API5: variants seen among roughly 807,000 people sequenced by gnomAD.
The protein encoded by API5 is apoptosis inhibitor 5.
API5 carries 6 observed loss-of-function variants against 71.9 expected under a neutral mutation model. The ratio of observed to expected loss-of-function variants is 0.08; its 90% CI spans 0.05 to 0.16. The LOEUF (loss-of-function observed/expected upper bound fraction) is 0.16. API5 is among the 10% of genes least tolerant of loss of function. The pLI is 1.00. For missense variants in API5, 332 were observed against 612.8 expected (o/e 0.54, Z 4.84); for synonymous variants, 189 against 221.3 (o/e 0.85, Z 1.30).
intron 13 of API5, among the ~76,000 whole-genome samples, chr11:43,338,995 C>G (rs1473929212): frequency 6.6e-6 from 1 of 152,200 alleles, no homozygotes; most frequent in East Asian, 1.9e-4. Flanking sequence ...CTGCATCTGT[C>G]TCTGGGAGCA....
intron 2 of API5, 151 bp downstream of exon 2, chr11:43,318,952 AT>A: frequency 1.3e-5 from 9 of 681,236 alleles, no homozygotes; most frequent in Non-Finnish European, 1.9e-5. Flanking sequence ...AAATTTACAT[AT>A]GATAAAGTGT....
intron 11 of API5, among the ~76,000 whole-genome samples, chr11:43,334,204 T>C (rs1855352573): frequency 6.6e-6 from 1 of 152,174 alleles, no homozygotes; most frequent in Admixed American, 6.5e-5. Context: ...CCTTGACATT[T>C]CTTGCAATCT....
intron 12 of API5, 85 bp from the exon 13 acceptor site, chr11:43,335,773 T>G: frequency 7.1e-7 from 1 of 1,416,272 alleles, no homozygotes; most frequent in South Asian, 1.4e-5. Context: ...ATGTCTTTCC[T>G]AACTGATATG....
chr11:43,315,009 TAA>T (rs2134337455), intron 1 of API5, among the ~76,000 whole-genome samples: 1 of 152,348 alleles, frequency 6.6e-6, no homozygotes, highest in African/African-American at 2.4e-5. Flanking sequence ...TGATCAGTAC[TAA>T]GTTTCCTGGC....
chr11:43,323,064 AT>A (rs1251386702), intron 5 of API5, among the ~76,000 whole-genome samples: 1 of 151,238 alleles, frequency 6.6e-6, no homozygotes, highest in Non-Finnish European at 1.5e-5. Flanking sequence ...TTTTCCAACC[AT>A]TTTTTAAAGT....
intron 9 of API5, chr11:43,329,217 C>A: frequency 4.7e-6 from 1 of 213,120 alleles, no homozygotes; most frequent in Non-Finnish European, 9.6e-6. Context: ...TGTGGTAACA[C>A]ACCAGTAGTC....
intron 13 of API5, among the ~76,000 whole-genome samples, chr11:43,339,818 C>G (rs185869317): frequency 6.6e-6 from 1 of 152,242 alleles, no homozygotes; most frequent in East Asian, 1.9e-4. Flanking sequence ...ATTTTGTAGT[C>G]TAACCTGATT....
intron 1 of API5, among the ~76,000 whole-genome samples, chr11:43,314,019 G>A (rs1390738778): frequency 2.0e-5 from 3 of 152,008 alleles, no homozygotes; most frequent in Non-Finnish European, 4.4e-5. Context: ...AACCCGGAGG[G>A]TGGAGGTTCC....
At chr11:43,326,637 CTGA>C (rs747054091) in intron 7 of API5, 26 bp downstream of exon 7, 39 of 1,220,028 alleles carry the variant, frequency 3.2e-5, no homozygotes, top group Non-Finnish European at 4.3e-5. Flanking sequence ...AGCTTTAGCA[CTGA>C]TAAGGCATTC....
Position 43,328,849 on chromosome 11 carries a change from A to C in API5, c.1083A>C (p.Leu361Phe). The change falls in exon 9 of 14, where the codon TTA becomes TTC. Residue 361 changes from leucine (L) to phenylalanine (F), a missense_variant. Transcript: ENST00000531273. ...TGGGCCGAAAACTTCCAGATTTCTT[A>C]ACAGCCAAACTGAATGCAGAAAAGC... ...HQLGRKLPDF[L>F]TAKLNAEKLK... 2.5e-6 allele frequency: 4 copies of C among 1,614,136 alleles called. No homozygotes were observed. The highest frequency in any genetic ancestry group is 3.4e-6 in the Non-Finnish European group (4 of 1,179,994).
Position 43,342,814 on chromosome 11 carries a change from A to C in API5, c.*304A>C, listed in dbSNP as rs1249382408. 6.9e-6 allele frequency: 4 copies of C among 582,074 alleles called. No homozygotes were observed. The highest frequency in any genetic ancestry group is 9.1e-6 in the Non-Finnish European group (3 of 329,152). 36.1% of individuals were successfully genotyped at this position (582,074 alleles called of 1,614,324 possible). A position where few individuals can be genotyped will look rare whatever the true frequency, so the allele number is the denominator to read the frequency against. ...GATAATTTGTTGTTGAGAGCTGTTC[A>C]TTCTAAAATGTAATGAAATTCAGTC... On this transcript the variant is annotated 3_prime_UTR_variant, in exon 14 of 14. Coordinates refer to ENST00000531273, the MANE Select transcript of API5 (RefSeq NM_001142930.2).
intron 13 of API5, among the ~76,000 whole-genome samples, chr11:43,338,574 T>G (rs532298684): frequency 6.7e-6 from 1 of 148,758 alleles, no homozygotes; most frequent in South Asian, 2.1e-4. Flanking sequence ...GAGTATTTTT[T>G]AGGATGAAGC....
At chr11:43,323,229 A>G (rs572245355) in intron 5 of API5, among the ~76,000 whole-genome samples, 3 of 152,142 alleles carry the variant, frequency 2.0e-5, no homozygotes, top group African/African-American at 4.8e-5. Context: ...CTAAGAACCA[A>G]TTTTTGCCCC....
intron 10 of API5, 52 bp downstream of exon 10, chr11:43,330,110 A>G (rs957176348): frequency 1.4e-6 from 2 of 1,428,602 alleles, no homozygotes; most frequent in Non-Finnish European, 2.0e-6. Context: ...ACCAAACTAT[A>G]TAGACTTGTG....
At position 43,320,786 on chromosome 11, in the gene API5, G is replaced by A. The variant is rs1029650705; in HGVS notation, c.232-35G>A. Reference sequence around the variant, plus strand: ...GCTGTTTGTTATTTTAAAGGTGATAGTATTTGGTTAATTTTTGTTTGAAAT... The same window carrying A: ...GCTGTTTGTTATTTTAAAGGTGATAATATTTGGTTAATTTTTGTTTGAAAT... On this transcript the variant is annotated intron_variant, in intron 2 of 13. Transcript: ENST00000531273. 4 of 1,475,766 alleles carry A rather than the reference G, an allele frequency of 2.7e-6. 1 individual carries two copies. The highest frequency in any genetic ancestry group is 9.4e-7 in the Non-Finnish European group (1 of 1,060,392). The allele number at this position is 1,475,766 out of a possible 1,614,324, so 91.4% of individuals were successfully genotyped here.
At position 43,321,459 on chromosome 11, in the gene API5, T is replaced by G; in HGVS notation, c.374T>G (p.Phe125Cys). ...GTGAACAATGCCCTATTAAGTATAT[T>G]TAAAATGGATGCAAAAGGTAAGGCC... The part of the protein sequence containing the change: ...NLVNNALLSI[F>C]KMDAKGTLGG... Residue 125 changes from phenylalanine to cysteine, a missense_variant, in exon 4 of 14, where the codon TTT becomes TGT. Physicochemically the swap from Phe to Cys is radical, Grantham distance 205. This residue lies in a region of API5 where 127 missense variants were observed against 237.6 expected (regional missense o/e 0.53). Transcript: ENST00000531273. The G allele has an allele frequency of 9.9e-6, 16 of 1,610,522 alleles. No homozygotes were observed. The highest frequency in any genetic ancestry group is 1.3e-5 in the Non-Finnish European group (15 of 1,177,804).
chr11:43,327,571 C>A (rs150499929), intron 7 of API5, among the ~76,000 whole-genome samples: 142 of 152,322 alleles, frequency 9.3e-4, no homozygotes, highest in African/African-American at 3.1e-3. Context: ...GCCACTTACA[C>A]CCTGTGACTT....
At chr11:43,321,744 G>C (rs760294766) in intron 4 of API5, among the ~76,000 whole-genome samples, 3 of 152,034 alleles carry the variant, frequency 2.0e-5, no homozygotes, top group Non-Finnish European at 4.4e-5. Context: ...AAAATACCTG[G>C]GTTTTATTAT....
chr11:43,325,909 T>A (rs1008346411), intron 6 of API5, among the ~76,000 whole-genome samples: 3 of 152,194 alleles, frequency 2.0e-5, no homozygotes, highest in Admixed American at 1.3e-4. Flanking sequence ...TATTATGAGC[T>A]TGTTTTGAGA....
Sources: allele counts gnomAD v4.1 joint callset (sites outside exome capture counted in the v4.1 genomes callset), GRCh38; gene constraint gnomAD v4.1.1; regional missense constraint gnomAD v4.1.1; transcripts MANE v1.5; gene names NCBI Gene and HGNC (gene_info 2026-07-23, HGNC 2026-07-21).